Variants in GRAMD4 observed in about 807,000 individuals in gnomAD.
The protein encoded by GRAMD4 is GRAM domain containing 4, also known as GRAM domain-containing protein 4.
In GRAMD4, 25 loss-of-function variants were observed where a neutral mutation model predicts 83.9. The observed-to-expected ratio is 0.30, with a 90% CI of 0.22 to 0.42. The LOEUF (loss-of-function observed/expected upper bound fraction) is 0.42. Ranked by LOEUF, GRAMD4 falls within the 10% of genes least tolerant of loss-of-function variation. GRAMD4 has a pLI of 1.00. For synonymous variants in GRAMD4, 336 were observed against 320.9 expected (o/e 1.05, Z -0.50); for missense variants, 593 against 788.7 (o/e 0.75, Z 2.97).
intron 2 of GRAMD4, among the ~76,000 whole-genome samples, chr22:46,635,977 A>C (rs937374351): frequency 6.6e-6 from 1 of 152,116 alleles, no homozygotes; most frequent in Admixed American, 6.5e-5. Context: ...GGGAGCGCCC[A>C]GGCCCTTGCC....
chr22:46,638,972 G>A (rs2081932227), intron 3 of GRAMD4, among the ~76,000 whole-genome samples: 7 of 152,316 alleles, frequency 4.6e-5, no homozygotes, highest in African/African-American at 1.7e-4. Context: ...ATGTCTGTGC[G>A]CTCACCTGGT....
At chr22:46,641,104 A>T (rs1240493318) in intron 3 of GRAMD4, among the ~76,000 whole-genome samples, 1 of 152,150 alleles carries the variant, frequency 6.6e-6, no homozygotes, top group Non-Finnish European at 1.5e-5. Flanking sequence ...ATGGAGTCTC[A>T]CTGTGTCGCC....
At chr22:46,682,571 AG>A (rs1336150193), downstream of GRAMD4, 18 of 255,968 alleles carry the variant, frequency 7.0e-5, no homozygotes, top group Middle Eastern at 4.0e-3. Context: ...TGCGGTGAAC[AG>A]TACTGCCTCC....
At chr22:46,673,325 A>C (rs1453867774) in intron 14 of GRAMD4, among the ~76,000 whole-genome samples, 1 of 152,166 alleles carries the variant, frequency 6.6e-6, no homozygotes, top group Non-Finnish European at 1.5e-5. Flanking sequence ...GCAGTTTGAG[A>C]AGGGCCCCCT....
intron 13 of GRAMD4, among the ~76,000 whole-genome samples, chr22:46,669,949 G>A (rs1285965432): frequency 6.6e-6 from 1 of 152,156 alleles, no homozygotes; most frequent in African/African-American, 2.4e-5. Context: ...CAACGATCCA[G>A]TGTCTGACAT....
Position 46,675,449 on chromosome 22 carries a change from C to G in GRAMD4, c.1479-19C>G. Reference sequence around the variant, plus strand: ...CTGGTTCAAGAGCCAGGCGACGCCTCTGTCCGTTCCCCTTCCAGTTACTTG... The same window carrying G: ...CTGGTTCAAGAGCCAGGCGACGCCTGTGTCCGTTCCCCTTCCAGTTACTTG... On this transcript the variant is annotated intron_variant, in intron 16 of 18. Transcript: ENST00000406902. 3 of 1,588,490 alleles carry G rather than the reference C, an allele frequency of 1.9e-6. No homozygotes were observed. The highest frequency in any genetic ancestry group is 2.6e-6 in the Non-Finnish European group (3 of 1,157,072).
At position 46,643,147 on chromosome 22, in the gene GRAMD4, C is replaced by G. The variant is rs797010577; in HGVS notation, c.283+5187C>G. On this transcript the variant is annotated intron_variant, in intron 3 of 18. Coordinates refer to ENST00000406902, the MANE Select transcript of GRAMD4 (RefSeq NM_015124.5). ...TGCATCCATCCATGCATCCTTCCAT[C>G]CATCCATCCATCCATCCATCCATCC... is the stretch of plus-strand genomic sequence containing the variant. Among the ~76,000 whole-genome samples the G allele has an allele frequency of 5.1e-3, 169 of 33,040 alleles. 1 individual carries two copies. The highest frequency in any genetic ancestry group is 6.3e-3 in the Non-Finnish European group (94 of 14,908). The allele number at this position is 33,040 out of a possible 152,430, so 21.7% of individuals were successfully genotyped here.
chr22:46,650,508 C>G (rs1038261264), intron 3 of GRAMD4, among the ~76,000 whole-genome samples: 1 of 152,198 alleles, frequency 6.6e-6, no homozygotes, highest in Non-Finnish European at 1.5e-5. Context: ...GATGCATCTC[C>G]TTTGCCTCCC....
Position 46,676,738 on chromosome 22 carries a change from G to T in GRAMD4, c.1632+70G>T, listed in dbSNP as rs940458216. The T allele has an allele frequency of 4.0e-5, 54 of 1,358,528 alleles. No individual in the cohort carries two copies. The African/African-American group carries it at 7.2e-4, about 18-fold the overall frequency. 84.2% of individuals were successfully genotyped at this position (1,358,528 alleles called of 1,614,324 possible). A position where few individuals can be genotyped will look rare whatever the true frequency, so the allele number is the denominator to read the frequency against. Reference sequence around the variant, plus strand: ...GGGGCCTGACTCTGAGCAACCCTGGGACCAGCGTGGGGCAGACAGCCAGAG... The same window carrying T: ...GGGGCCTGACTCTGAGCAACCCTGGTACCAGCGTGGGGCAGACAGCCAGAG... On this transcript the variant is annotated intron_variant, in intron 18 of 18. Transcript: ENST00000406902.
chr22:46,583,712 C>T (rs1209222711), intron 1 of GRAMD4, among the ~76,000 whole-genome samples: 1 of 152,260 alleles, frequency 6.6e-6, no homozygotes, highest in Non-Finnish European at 1.5e-5. Flanking sequence ...GCATGGTGCC[C>T]TCTAACCACG....
rs374146601 is a variant in GRAMD4 at position 46,663,182 on chromosome 22, C to T, written c.599+10C>T. ...CCCTGAGCGCCCGCAGGTAGGGGTT[C>T]GCCGAGCTGGGGCTGCCTGTGCGTT... On this transcript the variant is annotated intron_variant, in intron 6 of 18. Coordinates refer to ENST00000406902, the MANE Select transcript of GRAMD4 (RefSeq NM_015124.5). 29 of 1,608,262 alleles carry T rather than the reference C, an allele frequency of 1.8e-5. No homozygotes were observed. Among genetic ancestry groups the T allele is most frequent in the East Asian group, 1.8e-4 (8 of 44,760 alleles).
intron 13 of GRAMD4, among the ~76,000 whole-genome samples, chr22:46,670,434 A>G (rs990175566): frequency 1.3e-5 from 2 of 152,210 alleles, no homozygotes; most frequent in Non-Finnish European, 2.9e-5. Flanking sequence ...CTCTAGGCTC[A>G]TGAATGGGTA....
upstream of GRAMD4, chr22:46,577,127 C>A: frequency 4.6e-6 from 1 of 216,258 alleles, no homozygotes; most frequent in Non-Finnish European, 7.7e-6. Context: ...GACCTGGCGC[C>A]GCCGCCGCCT....
chr22:46,670,286 C>T (rs924159812), intron 13 of GRAMD4, among the ~76,000 whole-genome samples: 1 of 152,264 alleles, frequency 6.6e-6, no homozygotes, highest in Non-Finnish European at 1.5e-5. Flanking sequence ...ACAGGCCTCT[C>T]TGGACGCAGC....
At chr22:46,652,692 G>A (rs569905005) in intron 3 of GRAMD4, among the ~76,000 whole-genome samples, 6 of 152,312 alleles carry the variant, frequency 3.9e-5, no homozygotes, top group African/African-American at 1.4e-4. Context: ...GAGGCCGAGG[G>A]AACCCAGAGC....
chr22:46,605,822 T>C (rs1468608464), intron 1 of GRAMD4, among the ~76,000 whole-genome samples: 2 of 138,658 alleles, frequency 1.4e-5, no homozygotes, highest in African/African-American at 2.9e-5. Flanking sequence ...CTGCATGGGT[T>C]TATGGCCGGT....
At chr22:46,676,118 A>G (rs2082593754) in intron 17 of GRAMD4, among the ~76,000 whole-genome samples, 1 of 152,112 alleles carries the variant, frequency 6.6e-6, no homozygotes, top group African/African-American at 2.4e-5. Flanking sequence ...GCATGTCCGC[A>G]TTGGCACGGC....
chr22:46,579,468 T>C (rs1373886189), intron 1 of GRAMD4, among the ~76,000 whole-genome samples: 1 of 152,240 alleles, frequency 6.6e-6, no homozygotes, highest in African/African-American at 2.4e-5. Flanking sequence ...GAGCCTCTGC[T>C]GCCAGGGAGG....
intron 3 of GRAMD4, among the ~76,000 whole-genome samples, chr22:46,645,909 C>T (rs967630163): frequency 6.6e-6 from 1 of 152,262 alleles, no homozygotes. Flanking sequence ...TGCGCGCAGG[C>T]TCTGGGAGGT....
Sources: allele counts gnomAD v4.1 joint callset (sites outside exome capture counted in the v4.1 genomes callset), GRCh38; gene constraint gnomAD v4.1.1; transcripts MANE v1.5; gene names NCBI Gene and HGNC (gene_info 2026-07-23, HGNC 2026-07-21).